The following TOMM20 variants were observed in gnomAD, a reference collection of about 807,000 sequenced individuals.
The protein encoded by TOMM20 is translocase of outer mitochondrial membrane 20, also known as mitochondrial import receptor subunit TOM20 homolog.
In TOMM20, 10 loss-of-function variants were observed where a neutral mutation model predicts 22.1. The observed-to-expected ratio is 0.45, with a 90% CI of 0.28 to 0.77. The LOEUF is 0.77. TOMM20 is among the 30% of genes least tolerant of loss of function. The pLI, the probability that TOMM20 is intolerant of heterozygous loss-of-function variation, is 0.13. For synonymous variants in TOMM20, 55 were observed against 61.4 expected, an observed-to-expected ratio of 0.90 and a Z score of 0.49; for missense variants, 121 against 172.2, an observed-to-expected ratio of 0.70 and a Z score of 1.66.
In TOMM20 at chr1:235,112,015, AT is replaced by A. The variant is rs755212426; in HGVS notation, c.*48del. On this transcript the variant is annotated 3_prime_UTR_variant, in exon 5 of 5. Coordinates refer to ENST00000366607, the MANE Select transcript of TOMM20 (RefSeq NM_014765.3). ...CCCCAGAGCTGCTCAACTACCAAGA[AT>A]TTTTAAAATATTTTTAACTGAGATT... is the stretch of plus-strand genomic sequence containing the variant. The A allele has an allele frequency of 4.5e-5, 70 of 1,560,526 alleles. No individual in the cohort carries two copies. In the South Asian group the frequency reaches 7.7e-4, roughly 17 times the overall value.
intron 3 of TOMM20, among the ~76,000 whole-genome samples, chr1:235,117,154 A>G (rs1204215768): frequency 6.9e-6 from 1 of 145,210 alleles, no homozygotes; most frequent in Non-Finnish European, 1.5e-5. Flanking sequence ...AAAAAAAAAA[A>G]AAAAAAAAAA....
chr1:235,113,467 A>G (rs1394243719), intron 4 of TOMM20, among the ~76,000 whole-genome samples: 1 of 152,172 alleles, frequency 6.6e-6, no homozygotes, highest in African/African-American at 2.4e-5. Context: ...GTAGGCAGAA[A>G]GCTACTTGTA....
At chr1:235,124,570 T>G (rs950593215) in intron 1 of TOMM20, among the ~76,000 whole-genome samples, 6 of 152,226 alleles carry the variant, frequency 3.9e-5, no homozygotes, top group Non-Finnish European at 7.3e-5. Context: ...ATGCCAAGTT[T>G]GTGGGATCAA....
rs752582197 is a variant in TOMM20, at chr1:235,128,751, G to C, written c.-36C>G. On this transcript the variant is annotated 5_prime_UTR_variant, in exon 1 of 5. Transcript: ENST00000366607. ...ACGCTGAGCGTGGACGGTGGCGGCA[G>C]GGACCGCGAAGGAGCGGTGGGCCAC... The C allele has an allele frequency of 3.8e-5, 61 of 1,612,572 alleles. No homozygotes were observed. Among genetic ancestry groups the C allele is most frequent in the Admixed American group, 8.3e-5 (5 of 59,976 alleles).
At position 235,122,281 on chromosome 1, in the gene TOMM20, A is replaced by G. The variant is rs760981380; in HGVS notation, c.168+45T>C. On this transcript the variant is annotated intron_variant, in intron 2 of 4. Transcript: ENST00000366607. ...ATTTCCAATTACAGATTTTAAAATA[A>G]TATTTCTACAAAATATATAATTTAA... 2.6e-5 allele frequency: 37 copies of G among 1,406,620 alleles called. No homozygotes were observed. The East Asian group carries it at 9.3e-4, about 35-fold the overall frequency. 87.1% of individuals were successfully genotyped at this position (1,406,620 alleles called of 1,614,324 possible).
rs1217759751 is a variant in TOMM20 at position 235,128,816 on chromosome 1, C to G, written c.-101G>C. 2.6e-6 allele frequency: 4 copies of G among 1,555,116 alleles called. No individual in the cohort carries two copies. The highest frequency in any genetic ancestry group is 2.3e-5 in the East Asian group (1 of 44,044). ...GTCGGCGCAGCTCACACCCGACGGCCGCGGGCCAGGAACACAGAAAGGCCG... is the reference window on the plus strand; with the variant it reads ...GTCGGCGCAGCTCACACCCGACGGCGGCGGGCCAGGAACACAGAAAGGCCG... On this transcript the variant is annotated 5_prime_UTR_variant, in exon 1 of 5. Transcript: ENST00000366607.
intron 1 of TOMM20, among the ~76,000 whole-genome samples, chr1:235,126,526 C>T (rs189259262): frequency 2.4e-4 from 37 of 152,186 alleles, no homozygotes; most frequent in African/African-American, 7.7e-4. Context: ...ATATCTCATC[C>T]GGACGCGGTG....
chr1:235,121,488 C>T (rs1424801571), intron 2 of TOMM20, among the ~76,000 whole-genome samples: 2 of 152,170 alleles, frequency 1.3e-5, no homozygotes, highest in African/African-American at 4.8e-5. Flanking sequence ...GTAGTCTGAT[C>T]CTACTAGAAC....
rs1397882654 is a variant in TOMM20 at position 235,110,610 on chromosome 1, A to G, written c.*1454T>C. 1 of 152,190 alleles carries G rather than the reference A, an allele frequency of 6.6e-6. No homozygotes were observed. The highest frequency in any genetic ancestry group is 1.5e-5 in the Non-Finnish European group (1 of 68,040). The allele number at this position is 152,190 out of a possible 1,614,324, so 9.4% of individuals were successfully genotyped here. On this transcript the variant is annotated 3_prime_UTR_variant, in exon 5 of 5. Coordinates refer to ENST00000366607, the MANE Select transcript of TOMM20 (RefSeq NM_014765.3). ...CAGTAGAGGTAAGTTCAAAGATGAA[A>G]TGTGATTTGTTCAAGGCTGTGCGGC...
Position 235,128,779 on chromosome 1 carries a change from AC to A in TOMM20, c.-65del. 1 of 1,607,650 alleles carries A rather than the reference AC, an allele frequency of 6.2e-7. No individual in the cohort carries two copies. Among genetic ancestry groups the A allele is most frequent in the Non-Finnish European group, 8.5e-7 (1 of 1,177,786 alleles). On this transcript the variant is annotated 5_prime_UTR_variant, in exon 1 of 5. Transcript: ENST00000366607. ...ACCGCGAAGGAGCGGTGGGCCACGA[AC>A]CCTCAGAGCGGTCGGCGCAGCTCAC...
intron 1 of TOMM20, among the ~76,000 whole-genome samples, chr1:235,123,035 T>C (rs1343676613): frequency 2.0e-5 from 3 of 152,216 alleles, no homozygotes; most frequent in Non-Finnish European, 4.4e-5. Flanking sequence ...TATTATTAGC[T>C]AATACTTATT....
chr1:235,110,512 T>C lies in TOMM20; in HGVS notation c.*1552A>G, dbSNP rs1192646668. On this transcript the variant is annotated 3_prime_UTR_variant, in exon 5 of 5. Transcript: ENST00000366607. ...GCCCTCCTGTGTAACAAAAAAGCAC[T>C]GTTTAAGGGTTCAGGATCACAAACC... The C allele has an allele frequency of 3.3e-5, 5 of 152,212 alleles. No homozygotes were observed. The highest frequency in any genetic ancestry group is 7.2e-5 in the African/African-American group (3 of 41,440). 9.4% of individuals were successfully genotyped at this position (152,212 alleles called of 1,614,324 possible).
intron 3 of TOMM20, among the ~76,000 whole-genome samples, chr1:235,115,045 AT>A (rs908100532): frequency 7.8e-4 from 114 of 145,406 alleles, no homozygotes; most frequent in Admixed American, 8.3e-4. Flanking sequence ...AATTTTGCTA[AT>A]TTTTTTTTTT....
rs1434906533 is a variant in TOMM20 at position 235,111,185 on chromosome 1, C to T, written c.*879G>A. The T allele has an allele frequency of 1.3e-5, 2 of 152,072 alleles. No individual in the cohort carries two copies. Among genetic ancestry groups the T allele is most frequent in the Non-Finnish European group, 2.9e-5 (2 of 68,036 alleles). The allele number at this position is 152,072 out of a possible 1,614,324, so 9.4% of individuals were successfully genotyped here. ...ATTCAGAAATACTAAGTCAGGCAAG[C>T]ATGCAAAATTCAGAATATAAAAAAA... is the stretch of plus-strand genomic sequence containing the variant. On this transcript the variant is annotated 3_prime_UTR_variant, in exon 5 of 5. Coordinates refer to ENST00000366607, the MANE Select transcript of TOMM20 (RefSeq NM_014765.3).
intron 2 of TOMM20, among the ~76,000 whole-genome samples, chr1:235,120,925 G>T (rs961205386): frequency 6.6e-6 from 1 of 151,290 alleles, no homozygotes; most frequent in African/African-American, 2.4e-5. Flanking sequence ...TCAGTAGCTG[G>T]GTGCGGTGGC....
intron 2 of TOMM20, among the ~76,000 whole-genome samples, chr1:235,120,348 C>G (rs1448647049): frequency 1.3e-5 from 2 of 151,788 alleles, no homozygotes; most frequent in East Asian, 1.9e-4. Flanking sequence ...TCCCAGCTCA[C>G]TGCAACTCCC....
intron 2 of TOMM20, among the ~76,000 whole-genome samples, chr1:235,120,361 C>G (rs1038093400): frequency 6.6e-6 from 1 of 151,616 alleles, no homozygotes; most frequent in South Asian, 2.1e-4. Flanking sequence ...CAACTCCCAC[C>G]TCCCGGATTC....
chr1:235,122,496 C>T (rs1660945235), intron 1 of TOMM20, 124 bp from the exon 2 acceptor site: 2 of 851,052 alleles, frequency 2.4e-6, no homozygotes, highest in Non-Finnish European at 1.8e-6. Flanking sequence ...GGAATCTATC[C>T]CTCCCTGTGA....
Position 235,112,013 on chromosome 1 carries a change from G to A in TOMM20, c.*51C>T. On this transcript the variant is annotated 3_prime_UTR_variant, in exon 5 of 5. Coordinates refer to ENST00000366607, the MANE Select transcript of TOMM20 (RefSeq NM_014765.3). The stretch of plus-strand genomic sequence containing the variant: ...TCCCCCAGAGCTGCTCAACTACCAA[G>A]AATTTTTAAAATATTTTTAACTGAG... 1 of 1,552,476 alleles carries A rather than the reference G, an allele frequency of 6.4e-7. No homozygotes were observed. Among genetic ancestry groups the A allele is most frequent in the Non-Finnish European group, 8.8e-7 (1 of 1,134,006 alleles).
Sources: allele counts gnomAD v4.1 joint callset (sites outside exome capture counted in the v4.1 genomes callset), GRCh38; gene constraint gnomAD v4.1.1; transcripts MANE v1.5; gene names NCBI Gene and HGNC (gene_info 2026-07-23, HGNC 2026-07-21).